The following SHLD2 variants were observed in gnomAD, a reference collection of about 807,000 sequenced individuals.
SHLD2 encodes the protein RINN1-REV7-interacting novel NHEJ regulator 2.
In SHLD2, 30 loss-of-function variants were observed where a neutral mutation model predicts 73.2. That is an observed-to-expected ratio of 0.41 (90% CI 0.31 to 0.56). SHLD2 has a LOEUF of 0.56. Among genes scored for constraint, SHLD2 ranks in the 20% least tolerant of loss-of-function variants. SHLD2 has a pLI of 0.28. For synonymous variants in SHLD2, 285 were observed against 370.1 expected (o/e 0.77, Z 2.64); for missense variants, 745 against 1,055.9 (o/e 0.71, Z 4.08).
At position 87,151,409 on chromosome 10, in the gene SHLD2, A is replaced by G; in HGVS notation, c.55A>G (p.Lys19Glu). The change falls in exon 3 of 10, where the codon AAA becomes GAA. Residue 19 changes from lysine (K) to glutamate (E), a missense_variant. Around this residue, in one of 5 missense-constraint regions of SHLD2, gnomAD observed 280 missense variants for 353.9 expected, o/e 0.79. Coordinates refer to ENST00000298786, the MANE Select transcript of SHLD2 (RefSeq NM_001330112.2). ...TTGGGGTGCTCCAATTGCTCCACTG[A>G]AAATCACAGTATCAGAAGACACAGC... ...IFWGAPIAPL[K>E]ITVSEDTASL... The G allele has an allele frequency of 6.2e-7, 1 of 1,601,300 alleles. No homozygotes were observed. Among genetic ancestry groups the G allele is most frequent in the Non-Finnish European group, 8.5e-7 (1 of 1,176,376 alleles).
At chr10:87,165,682 A>G (rs1331481857) in intron 4 of SHLD2, among the ~76,000 whole-genome samples, 1 of 152,210 alleles carries the variant, frequency 6.6e-6, no homozygotes, top group Non-Finnish European at 1.5e-5. Context: ...AATAACAACT[A>G]AATATGAGGT....
In SHLD2 at chr10:87,151,742, C is replaced by A. The variant is rs1468245485; in HGVS notation, c.388C>A (p.Pro130Thr). 5.0e-6 allele frequency: 8 copies of A among 1,611,738 alleles called. No individual in the cohort carries two copies. Among genetic ancestry groups the A allele is most frequent in the Non-Finnish European group, 5.9e-6 (7 of 1,179,834 alleles). The change falls in exon 3 of 10, where the codon CCG becomes ACG. Residue 130 changes from proline to threonine, a missense_variant. Coordinates refer to ENST00000298786, the MANE Select transcript of SHLD2 (RefSeq NM_001330112.2). ...AATATGTGGATTTAAAAGCACAGTT[C>A]CGCATTTCACCGAAGAAGAAAAGTA... The part of the protein sequence containing the change: ...MQICGFKSTV[P>T]HFTEEEKYQK...
chr10:87,098,748 ATACAGATAATT>A (rs946200888), intron 2 of SHLD2, among the ~76,000 whole-genome samples: 1 of 152,188 alleles, frequency 6.6e-6, no homozygotes, highest in African/African-American at 2.4e-5. Flanking sequence ...TTTGTAAAAT[ATACAGATAATT>A]TGCAAAGTAA....
intron 9 of SHLD2, among the ~76,000 whole-genome samples, chr10:87,188,926 T>G (rs1848819016): frequency 6.6e-6 from 1 of 152,150 alleles, no homozygotes; most frequent in African/African-American, 2.4e-5. Flanking sequence ...CCCATTTTCT[T>G]TATTTCATTT....
chr10:87,132,780 AAAACG>A (rs973044286), intron 2 of SHLD2, among the ~76,000 whole-genome samples: 3 of 152,206 alleles, frequency 2.0e-5, no homozygotes, highest in African/African-American at 7.2e-5. Context: ...TCTCAAAAAC[AAAACG>A]AAACAAAACA....
chr10:87,169,760 AAGTG>A (rs1302287387), intron 4 of SHLD2, among the ~76,000 whole-genome samples: 7 of 152,046 alleles, frequency 4.6e-5, no homozygotes, highest in Non-Finnish European at 1.0e-4. Flanking sequence ...CCTTAATAAA[AAGTG>A]AGAAAAAAAA....
chr10:87,148,360 A>G (rs1472613159), intron 2 of SHLD2, among the ~76,000 whole-genome samples: 4 of 152,234 alleles, frequency 2.6e-5, no homozygotes, highest in Non-Finnish European at 5.9e-5. Flanking sequence ...CACAGAGTCA[A>G]AAAAGCGGAA....
chr10:87,146,785 G>A (rs1002229930), intron 2 of SHLD2, among the ~76,000 whole-genome samples: 3 of 151,704 alleles, frequency 2.0e-5, no homozygotes, highest in East Asian at 1.9e-4. Context: ...CGCCCAGCGT[G>A]GTGGCTCATG....
At chr10:87,127,541 C>CGCCCCCA (rs1473390918) in intron 2 of SHLD2, among the ~76,000 whole-genome samples, 4 of 82,094 alleles carry the variant, frequency 4.9e-5, no homozygotes, top group Non-Finnish European at 7.7e-5. Context: ...CCCCCCCCAC[C>CGCCCCCA]CCGTCTGCCA....
chr10:87,102,518 G>A (rs1384951070), intron 2 of SHLD2, among the ~76,000 whole-genome samples: 2 of 151,930 alleles, frequency 1.3e-5, no homozygotes, highest in Non-Finnish European at 2.9e-5. Flanking sequence ...GACCAGCCTG[G>A]CCAACATGGT....
upstream of SHLD2, chr10:87,094,712 C>T (rs1171288662): frequency 6.6e-7 from 1 of 1,508,060 alleles, no homozygotes; most frequent in Admixed American, 2.1e-5. This position sits in a 1 kb window ranked among gnomAD's most constrained non-coding sequence, Gnocchi z 6.6. Context: ...GACGCCGAGC[C>T]CAGGGCAGCG....
At chr10:87,115,389 C>T (rs1408722622) in intron 2 of SHLD2, 3 of 152,118 alleles carry the variant, frequency 2.0e-5, no homozygotes, top group African/African-American at 7.2e-5. Context: ...GTAGGAACAC[C>T]TAGAGATAGA....
At chr10:87,138,532 C>T (rs1844961922) in intron 2 of SHLD2, among the ~76,000 whole-genome samples, 2 of 152,076 alleles carry the variant, frequency 1.3e-5, no homozygotes, top group Non-Finnish European at 2.9e-5. Flanking sequence ...TACACATTAA[C>T]AAGATGTGGG....
At chr10:87,141,583 C>G (rs1845200131) in intron 2 of SHLD2, among the ~76,000 whole-genome samples, 1 of 152,160 alleles carries the variant, frequency 6.6e-6, no homozygotes, top group Non-Finnish European at 1.5e-5. Flanking sequence ...TGTTCTATTG[C>G]ACAGTGGGGT....
At position 87,155,452 on chromosome 10, in the gene SHLD2, C is replaced by T. The variant is rs1334771976; in HGVS notation, c.1525+2573C>T. The stretch of plus-strand genomic sequence containing the variant: ...TGTAGAGCTGCCCACAGCATGAGAA[C>T]AGGCTGAAATACTGTTTTTTTGGGC... On this transcript the variant is annotated intron_variant, in intron 3 of 9. Coordinates refer to ENST00000298786, the MANE Select transcript of SHLD2 (RefSeq NM_001330112.2). 3.3e-5 allele frequency among the ~76,000 whole-genome samples: 5 copies of T among 151,790 alleles called. No homozygotes were observed. The East Asian group carries it at 7.9e-4, about 24-fold the overall frequency.
rs146033787 is a variant in SHLD2 at position 87,143,318 on chromosome 10, C to T, written c.-5-8032C>T. Among the ~76,000 whole-genome samples, 832 of 152,162 alleles carry T rather than the reference C, an allele frequency of 5.5e-3. 9 individuals carry two copies. The highest frequency in any genetic ancestry group is 0.019 in the African/African-American group (777 of 41,492). ...TTTAGGAATTTGAGGATTTCTTCTT[C>T]GACCTTAGGCGTGACATTGGACAAA... On this transcript the variant is annotated intron_variant, in intron 2 of 9. Transcript: ENST00000298786.
At chr10:87,168,881 G>A (rs967860206) in intron 4 of SHLD2, among the ~76,000 whole-genome samples, 1 of 151,584 alleles carries the variant, frequency 6.6e-6, no homozygotes, top group Admixed American at 6.6e-5. Flanking sequence ...AGTATTCCCA[G>A]GTAACAGACC....
In SHLD2 at chr10:87,190,496, AGATCACCTATGG is replaced by A; in HGVS notation, c.2532_2543del (p.Ile844_Gly847del). The A allele has an allele frequency of 1.2e-6, 2 of 1,611,940 alleles. No individual in the cohort carries two copies. The highest frequency in any genetic ancestry group is 1.7e-6 in the Non-Finnish European group (2 of 1,179,802). The stretch of plus-strand genomic sequence containing the variant: ...TTGTCTTTTGCAGTTCCTTCCTCAG[AGATCACCTATGG>A]GATGGTCGTGGCAGACCTGTTCCAC... On this transcript the variant is annotated inframe_deletion, in exon 10 of 10. Transcript: ENST00000298786.
chr10:87,174,676 C>G (rs1847828880), intron 6 of SHLD2, among the ~76,000 whole-genome samples: 1 of 151,554 alleles, frequency 6.6e-6, no homozygotes, highest in Admixed American at 6.6e-5. Context: ...CTGATGTTAT[C>G]AGAAAAATTA....
Sources: allele counts gnomAD v4.1 joint callset (sites outside exome capture counted in the v4.1 genomes callset), GRCh38; gene constraint gnomAD v4.1.1; regional missense constraint gnomAD v4.1.1; non-coding constraint Gnocchi (gnomAD v3.1); transcripts MANE v1.5; gene names NCBI Gene and HGNC (gene_info 2026-07-23, HGNC 2026-07-21).